Variants in SLC24A2 observed in about 807,000 individuals in gnomAD.
The protein encoded by SLC24A2 is solute carrier family 24 member 2.
Under a neutral mutation model 62.0 loss-of-function variants are expected in SLC24A2, and 36 were observed. The observed-to-expected ratio is 0.58, with a 90% CI of 0.44 to 0.77. SLC24A2 has a LOEUF of 0.77. Ranked by LOEUF, SLC24A2 falls within the 30% of genes least tolerant of loss-of-function variation. SLC24A2 has a pLI of 0.00. For missense variants in SLC24A2, 846 were observed against 817.9 expected (o/e 1.03, Z -0.42); for synonymous variants, 358 against 294.0 (o/e 1.22, Z -2.23).
chr9:19,911,845 C>A, the SLC24A2 span, among the ~76,000 whole-genome samples: 1 of 152,188 alleles, frequency 6.6e-6, no homozygotes, highest in East Asian at 1.9e-4. Flanking sequence ...ACACTGGGTT[C>A]TCTTTCCATT....
chr9:20,251,640 A>G, the SLC24A2 span, among the ~76,000 whole-genome samples: 9 of 152,208 alleles, frequency 5.9e-5, no homozygotes, highest in Admixed American at 2.0e-4. Context: ...TACATGGTAT[A>G]TCAGTTAAGA....
chr9:19,626,597 C>G (rs1166598433), intron 2 of SLC24A2, among the ~76,000 whole-genome samples: 3 of 152,070 alleles, frequency 2.0e-5, no homozygotes, highest in Admixed American at 1.3e-4. Flanking sequence ...TAGAAATAAA[C>G]TTAAACATAT....
At chr9:20,288,989 C>T in the SLC24A2 span, among the ~76,000 whole-genome samples, 1 of 152,014 alleles carries the variant, frequency 6.6e-6, no homozygotes, top group Non-Finnish European at 1.5e-5. Context: ...GAGTCAGAGC[C>T]TTCAGATAAT....
chr9:20,137,296 A>G, the SLC24A2 span, among the ~76,000 whole-genome samples: 1 of 152,186 alleles, frequency 6.6e-6, no homozygotes, highest in Non-Finnish European at 1.5e-5. Context: ...AAACTTTAAT[A>G]TATGATGTGT....
the SLC24A2 span, among the ~76,000 whole-genome samples, chr9:19,962,823 C>T: frequency 6.6e-6 from 1 of 152,118 alleles, no homozygotes; most frequent in African/African-American, 2.4e-5. Context: ...ATTTGACTTC[C>T]TCTTTTCCTA....
the SLC24A2 span, among the ~76,000 whole-genome samples, chr9:20,025,613 G>C: frequency 1.3e-5 from 2 of 152,132 alleles, no homozygotes; most frequent in African/African-American, 4.8e-5. Context: ...TGTGCTAGGA[G>C]AGGAGCTATG....
At chr9:20,105,389 A>G in the SLC24A2 span, among the ~76,000 whole-genome samples, 5 of 152,106 alleles carry the variant, frequency 3.3e-5, no homozygotes, top group Non-Finnish European at 7.4e-5. Context: ...AATCAACAGA[A>G]TATACATTTT....
the SLC24A2 span, among the ~76,000 whole-genome samples, chr9:20,032,270 C>T: frequency 7.2e-5 from 11 of 152,270 alleles, no homozygotes; most frequent in African/African-American, 1.4e-4. Flanking sequence ...AATGATTGCA[C>T]GTCTTTTCAC....
chr9:19,993,396 T>C, the SLC24A2 span, among the ~76,000 whole-genome samples: 1 of 152,216 alleles, frequency 6.6e-6, no homozygotes, highest in Non-Finnish European at 1.5e-5. Context: ...AGTTAAATCT[T>C]TCCTCTAAAC....
At chr9:19,726,007 T>G (rs545281359) in intron 2 of SLC24A2, among the ~76,000 whole-genome samples, 3 of 152,158 alleles carry the variant, frequency 2.0e-5, no homozygotes, top group Non-Finnish European at 4.4e-5. Context: ...GGCTTCTTAT[T>G]AACAAGGAAT....
chr9:20,061,322 T>C, the SLC24A2 span, among the ~76,000 whole-genome samples: 4 of 152,016 alleles, frequency 2.6e-5, no homozygotes, highest in Non-Finnish European at 5.9e-5. Context: ...TCTCACTCTG[T>C]TGCCCAGGCT....
the SLC24A2 span, among the ~76,000 whole-genome samples, chr9:19,876,505 TA>T: frequency 1.4e-4 from 22 of 152,156 alleles, no homozygotes; most frequent in Middle Eastern, 3.4e-3. Flanking sequence ...TTCTTCTGGT[TA>T]AGTCAGATCA....
chr9:19,595,496 C>CAATT (rs1488351800), intron 5 of SLC24A2, among the ~76,000 whole-genome samples: 1 of 152,150 alleles, frequency 6.6e-6, no homozygotes, highest in Non-Finnish European at 1.5e-5. Flanking sequence ...CCCCCAAACA[C>CAATT]AATTTGACAG....
chr9:20,042,464 C>T, the SLC24A2 span, among the ~76,000 whole-genome samples: 1 of 152,168 alleles, frequency 6.6e-6, no homozygotes, highest in Non-Finnish European at 1.5e-5. Context: ...TCTAAGATTT[C>T]TGAAGTAAGA....
At chr9:19,625,878 G>T (rs879666597) in intron 2 of SLC24A2, among the ~76,000 whole-genome samples, 2 of 151,686 alleles carry the variant, frequency 1.3e-5, no homozygotes, top group Non-Finnish European at 2.9e-5. Context: ...GTAGAGACAG[G>T]GTTTTGCTAT....
intron 8 of SLC24A2, among the ~76,000 whole-genome samples, chr9:19,538,272 G>C (rs1263717262): frequency 1.4e-5 from 2 of 141,896 alleles, no homozygotes; most frequent in South Asian, 2.3e-4. Context: ...GGGCATCCCT[G>C]TCTTGTGCCA....
At chr9:20,129,003 G>A in the SLC24A2 span, among the ~76,000 whole-genome samples, 1 of 151,888 alleles carries the variant, frequency 6.6e-6, no homozygotes, top group Non-Finnish European at 1.5e-5. Context: ...TGAAAGACAA[G>A]TCACAGGATG....
At chr9:19,772,842 A>G (rs1266154457) in intron 2 of SLC24A2, among the ~76,000 whole-genome samples, 2 of 152,244 alleles carry the variant, frequency 1.3e-5, no homozygotes, top group East Asian at 3.8e-4. Context: ...ACTCATAAGC[A>G]TATGCCAAAG....
intron 2 of SLC24A2, among the ~76,000 whole-genome samples, chr9:19,710,922 G>C (rs1564056482): frequency 6.6e-6 from 1 of 152,336 alleles, no homozygotes; most frequent in East Asian, 1.9e-4. Context: ...TGATTAACTG[G>C]AAGTTGGGAG....
Sources: gnomAD v4.1 joint callset for allele counts (sites outside exome capture counted in the v4.1 genomes callset) on GRCh38, gnomAD v4.1.1 for gene constraint, MANE v1.5 for transcripts, NCBI Gene and HGNC (gene_info 2026-07-23, HGNC 2026-07-21) for gene names.